The following ATP9B variants were observed in gnomAD, a reference collection of about 807,000 sequenced individuals.
ATP9B encodes ATPase phospholipid transporting 9B.
Under a neutral mutation model 146.1 loss-of-function variants are expected in ATP9B, and 110 were observed. That is an observed-to-expected ratio of 0.75 (90% CI 0.65 to 0.88). The LOEUF (loss-of-function observed/expected upper bound fraction) is 0.88, where lower values mean the gene tolerates loss of function less well. Among genes scored for constraint, ATP9B ranks in the 40% least tolerant of loss-of-function variants. The probability of loss-of-function intolerance (pLI) is 0.00; values close to 1 mark genes in which losing one functional copy is unlikely to be tolerated. For missense variants in ATP9B, 1,499 were observed against 1,496.4 expected (o/e 1.00, Z -0.03); for synonymous variants, 604 against 569.7 (o/e 1.06, Z -0.86).
intron 5 of ATP9B, among the ~76,000 whole-genome samples, chr18:79,131,287 G>A (rs573849931): frequency 9.2e-5 from 14 of 152,188 alleles, no homozygotes; most frequent in Non-Finnish European, 1.8e-4. Context: ...TAAGGATCCA[G>A]TATCCAGGAT....
chr18:79,260,409 T>A (rs2096128105), intron 12 of ATP9B, among the ~76,000 whole-genome samples: 1 of 151,434 alleles, frequency 6.6e-6, no homozygotes, highest in Non-Finnish European at 1.5e-5. Context: ...ACACGGGGAG[T>A]ACAATTCGAG....
intron 11 of ATP9B, among the ~76,000 whole-genome samples, chr18:79,218,232 C>T (rs985936293): frequency 3.6e-4 from 49 of 137,500 alleles, no homozygotes; most frequent in Non-Finnish European, 4.7e-4. Flanking sequence ...GTTCCATGTC[C>T]GGCACAGGCT....
chr18:79,340,832 C>T (rs2096854191), intron 19 of ATP9B, among the ~76,000 whole-genome samples: 1 of 152,192 alleles, frequency 6.6e-6, no homozygotes, highest in Admixed American at 6.5e-5. Flanking sequence ...GCCATTTACC[C>T]ATTGAACCTC....
At chr18:79,324,924 C>T (rs1378941941) in intron 15 of ATP9B, among the ~76,000 whole-genome samples, 1 of 152,218 alleles carries the variant, frequency 6.6e-6, no homozygotes, top group East Asian at 1.9e-4. Context: ...TGTACATAGT[C>T]ATTCCTCCTT....
rs1214505102 is a variant in ATP9B, at chr18:79,263,070, G to A, written c.1268+9529G>A. ...CATTGTTTTATTTTGTAATGTGTGG[G>A]CTTTACAATTTTTATTTCATTTTTA... is the stretch of plus-strand genomic sequence containing the variant. On this transcript the variant is annotated intron_variant, in intron 12 of 29. Coordinates refer to ENST00000426216, the MANE Select transcript of ATP9B (RefSeq NM_198531.5). Among the ~76,000 whole-genome samples, 4 of 152,128 alleles carry A rather than the reference G, an allele frequency of 2.6e-5. No homozygotes were observed. In the East Asian group the frequency reaches 7.7e-4, roughly 29 times the overall value.
chr18:79,267,196 A>T (rs1222192780), intron 12 of ATP9B, among the ~76,000 whole-genome samples: 1 of 151,996 alleles, frequency 6.6e-6, no homozygotes, highest in African/African-American at 2.4e-5. Flanking sequence ...TTTCAGTTTT[A>T]TTTACAACAG....
chr18:79,167,231 T>C (rs553280238), intron 7 of ATP9B, among the ~76,000 whole-genome samples: 1 of 152,170 alleles, frequency 6.6e-6, no homozygotes, highest in Non-Finnish European at 1.5e-5. Context: ...AGCTCTTTCA[T>C]TCCCACCATT....
intron 12 of ATP9B, among the ~76,000 whole-genome samples, chr18:79,264,624 C>T (rs184356962): frequency 2.7e-5 from 4 of 150,220 alleles, no homozygotes; most frequent in Admixed American, 2.6e-4. Flanking sequence ...CTTACATTAT[C>T]TTCTAGAAGC....
intron 13 of ATP9B, among the ~76,000 whole-genome samples, chr18:79,287,347 G>A (rs1474615302): frequency 6.6e-6 from 1 of 152,212 alleles, no homozygotes; most frequent in Admixed American, 6.5e-5. Context: ...TTAGTCTTAG[G>A]AGGGTGTATG....
At chr18:79,133,508 AACACACACACACAC>A (rs370697424) in intron 5 of ATP9B, among the ~76,000 whole-genome samples, 2 of 147,786 alleles carry the variant, frequency 1.4e-5, no homozygotes, top group Non-Finnish European at 3.0e-5. Flanking sequence ...AGTGGTTATA[AACACACACACACAC>A]ACACACACAC....
intron 2 of ATP9B, 30 bp from the exon 3 acceptor site, chr18:79,110,325 T>TAG: frequency 6.7e-7 from 1 of 1,500,130 alleles, no homozygotes. Flanking sequence ...CAAAAAAAAA[T>TAG]ACACAATACG....
At chr18:79,256,187 A>G (rs908546158) in intron 12 of ATP9B, among the ~76,000 whole-genome samples, 1 of 147,746 alleles carries the variant, frequency 6.8e-6, no homozygotes, top group African/African-American at 2.5e-5. Context: ...AGTTACTGAG[A>G]GTGTGCAAAT....
intron 7 of ATP9B, among the ~76,000 whole-genome samples, chr18:79,168,176 C>G (rs2095009525): frequency 1.3e-5 from 2 of 152,138 alleles, no homozygotes; most frequent in African/African-American, 4.8e-5. Flanking sequence ...TTACGTGGAG[C>G]CAGGAGCAAC....
At chr18:79,286,601 AC>A (rs2096445171) in intron 13 of ATP9B, among the ~76,000 whole-genome samples, 2 of 152,210 alleles carry the variant, frequency 1.3e-5, no homozygotes, top group South Asian at 4.1e-4. Context: ...CTAATTGAAT[AC>A]CCTTTATTTC....
At chr18:79,128,928 T>C (rs57582689) in intron 5 of ATP9B, among the ~76,000 whole-genome samples, 38,737 of 152,042 alleles carry the variant, frequency 0.25, 5,278 homozygotes, top group East Asian at 0.5. Flanking sequence ...CCCACAATTG[T>C]CCTGATCTCA....
chr18:79,250,403 C>G (rs1017929998), intron 11 of ATP9B, among the ~76,000 whole-genome samples: 11 of 152,150 alleles, frequency 7.2e-5, no homozygotes, highest in Non-Finnish European at 1.6e-4. Flanking sequence ...AAAATATGCA[C>G]TTTGCATTCA....
chr18:79,077,200 C>T (rs1381111655), intron 1 of ATP9B, among the ~76,000 whole-genome samples: 2 of 152,126 alleles, frequency 1.3e-5, no homozygotes, highest in South Asian at 2.1e-4. Flanking sequence ...ATAGCCTAGA[C>T]ATTTTGGGTA....
At position 79,345,468 on chromosome 18, in the gene ATP9B, C is replaced by T; in HGVS notation, c.2513C>T (p.Ala838Val). 1 of 1,613,948 alleles carries T rather than the reference C, an allele frequency of 6.2e-7. No individual in the cohort carries two copies. Among genetic ancestry groups the T allele is most frequent in the Middle Eastern group, 1.6e-4 (1 of 6,062 alleles). ...KYYEHEFVELACQCPAVVCCR... is the reference protein window; with the variant it reads ...KYYEHEFVELVCQCPAVVCCR... ...TACGAGCATGAATTTGTGGAGCTGG[C>T]CTGCCAGTGCCCTGCCGTGGTTTGC... is the stretch of plus-strand genomic sequence containing the variant. Residue 838 changes from alanine (A) to valine (V), a missense_variant, in exon 22 of 30, where the codon GCC (alanine) becomes GTC (valine). Ala to Val is a moderately conservative substitution (Grantham distance 64). Transcript: ENST00000426216.
intron 5 of ATP9B, among the ~76,000 whole-genome samples, chr18:79,140,448 C>G (rs1318192703): frequency 6.6e-6 from 1 of 151,626 alleles, no homozygotes; most frequent in Non-Finnish European, 1.5e-5. Context: ...GGTTGGTGGG[C>G]AGGTTATATG....
Sources: allele counts gnomAD v4.1 joint callset (sites outside exome capture counted in the v4.1 genomes callset), GRCh38; gene constraint gnomAD v4.1.1; transcripts MANE v1.5; gene names NCBI Gene and HGNC (gene_info 2026-07-23, HGNC 2026-07-21).